The following TRAK1 variants were observed in gnomAD, a reference collection of about 807,000 sequenced individuals.
TRAK1 encodes the protein trafficking kinesin protein 1.
In TRAK1, 33 loss-of-function variants were observed where a neutral mutation model predicts 92.1. That is an observed-to-expected ratio of 0.36 (90% CI 0.27 to 0.48). The LOEUF is 0.48. Among genes scored for constraint, TRAK1 ranks in the 20% least tolerant of loss-of-function variants. The pLI is 0.99. For synonymous variants in TRAK1, 521 were observed against 517.3 expected (o/e 1.01, Z -0.10); for missense variants, 1,123 against 1,257.9 (o/e 0.89, Z 1.62).
chr3:42,178,634 G>A (rs1703542598), intron 3 of TRAK1, among the ~76,000 whole-genome samples: 3 of 151,784 alleles, frequency 2.0e-5, no homozygotes, highest in South Asian at 2.1e-4. Flanking sequence ...TTGTGGAGGC[G>A]GGATCTCCTT....
At chr3:42,218,555 A>T in intron 14 of TRAK1, 1 of 984,712 alleles carries the variant, frequency 1.0e-6, no homozygotes, top group Non-Finnish European at 1.2e-6. Context: ...TGCTTGAGTT[A>T]TGAATGAGGA....
At chr3:42,209,687 T>C in intron 13 of TRAK1, 80 bp from the exon 14 acceptor site, 1 of 1,416,038 alleles carries the variant, frequency 7.1e-7, no homozygotes, top group East Asian at 2.3e-5. Context: ...TTGAGGGTGG[T>C]AAACAGCCAT....
At chr3:42,147,657 T>A (rs1326235813) in intron 2 of TRAK1, among the ~76,000 whole-genome samples, 2 of 152,164 alleles carry the variant, frequency 1.3e-5, no homozygotes, top group African/African-American at 4.8e-5. Flanking sequence ...GTTGGATCCT[T>A]GCAGTCCACA....
intron 2 of TRAK1, chr3:42,145,868 G>A: frequency 3.9e-6 from 1 of 256,088 alleles, no homozygotes; most frequent in Non-Finnish European, 7.6e-6. Context: ...TTCCCAGTAG[G>A]GACAACATTG....
chr3:42,219,488 A>G lies in TRAK1; in HGVS notation c.1964-6A>G. Reference sequence around the variant, plus strand: ...CAAGGAATATGTTTTGTTCCTCCCAATTTAGCGCACCATCCTGGGAAGTGC... The same window carrying G: ...CAAGGAATATGTTTTGTTCCTCCCAGTTTAGCGCACCATCCTGGGAAGTGC... On this transcript the variant is annotated splice_polypyrimidine_tract_variant and splice_region_variant and intron_variant, in intron 14 of 15. Transcript: ENST00000327628. 6.2e-7 allele frequency: 1 copy of G among 1,613,838 alleles called. No homozygotes were observed. Among genetic ancestry groups the G allele is most frequent in the Non-Finnish European group, 8.5e-7 (1 of 1,179,892 alleles).
At position 42,040,251 on chromosome 3, in the gene TRAK1, A is replaced by G. The variant is rs535213243; in HGVS notation, c.-519+26134A>G. 4.6e-5 allele frequency among the ~76,000 whole-genome samples: 7 copies of G among 152,260 alleles called. No homozygotes were observed. The South Asian group carries it at 1.5e-3, about 32-fold the overall frequency. On this transcript the variant is annotated intron_variant, in intron 1 of 16. Transcript: ENST00000487159. ...TTTGGTGTCATATCTAAGAAATATC[A>G]TTGCCTACCTTAAGGTCACCAAGAG...
chr3:42,219,361 C>A, intron 14 of TRAK1, 133 bp from the exon 15 acceptor site: 1 of 1,558,954 alleles, frequency 6.4e-7, no homozygotes. Context: ...ATTTGCGTTT[C>A]ACCTTCCTCG....
intron 1 of TRAK1, among the ~76,000 whole-genome samples, chr3:42,061,141 A>G (rs1005036742): frequency 1.3e-5 from 2 of 152,132 alleles, no homozygotes; most frequent in Non-Finnish European, 2.9e-5. Flanking sequence ...ATTTATAGAA[A>G]AGTTACAAAA....
At chr3:42,205,529 G>A (rs1708233094) in intron 13 of TRAK1, among the ~76,000 whole-genome samples, 1 of 152,204 alleles carries the variant, frequency 6.6e-6, no homozygotes, top group African/African-American at 2.4e-5. Context: ...AGCAGGTGAA[G>A]AACAAACAAA....
chr3:42,138,076 A>G (rs1239998607), intron 2 of TRAK1, among the ~76,000 whole-genome samples: 4 of 152,106 alleles, frequency 2.6e-5, no homozygotes. Flanking sequence ...GGGACCTTTA[A>G]TTTTTGTTTT....
At chr3:42,081,941 T>C (rs1212247431) in intron 1 of TRAK1, among the ~76,000 whole-genome samples, 3 of 152,216 alleles carry the variant, frequency 2.0e-5, no homozygotes. Flanking sequence ...AGCTTAGTTT[T>C]GTCATTTCAA....
At chr3:42,118,245 C>T (rs1298449168) in intron 1 of TRAK1, among the ~76,000 whole-genome samples, 2 of 151,976 alleles carry the variant, frequency 1.3e-5, no homozygotes, top group East Asian at 1.9e-4. Context: ...CCATCACGCC[C>T]ATCTAATTTT....
intron 2 of TRAK1, chr3:42,149,479 T>C: frequency 6.5e-7 from 1 of 1,535,786 alleles, no homozygotes; most frequent in East Asian, 2.4e-5. Context: ...TGGCAGCGTT[T>C]TACTTGACGT....
At chr3:42,206,358 G>GCCTCT in intron 13 of TRAK1, among the ~76,000 whole-genome samples, 1 of 152,262 alleles carries the variant, frequency 6.6e-6, no homozygotes, top group East Asian at 1.9e-4. Flanking sequence ...GTTTGAGAAA[G>GCCTCT]CACCCACATG....
chr3:42,062,368 C>T (rs2148927092), intron 1 of TRAK1, among the ~76,000 whole-genome samples: 1 of 151,984 alleles, frequency 6.6e-6, no homozygotes, highest in South Asian at 2.1e-4. Flanking sequence ...CTACTAGGGC[C>T]AATTTCAAAA....
chr3:42,219,786 G>GTTTTTTTTTTTTTTTTTTTTTTT (rs397989334), intron 15 of TRAK1, among the ~76,000 whole-genome samples, 190 bp downstream of exon 15: 2 of 63,498 alleles, frequency 3.1e-5, no homozygotes, highest in African/African-American at 8.7e-5. Context: ...GTTGTTATGT[G>GTTTTTTTTTTTTTTTTTTTTTTT]TTTTTTTTTT....
intron 1 of TRAK1, among the ~76,000 whole-genome samples, chr3:42,105,666 GAACGGCACA>G (rs1268865016): frequency 6.6e-6 from 1 of 152,124 alleles, no homozygotes; most frequent in East Asian, 1.9e-4. Context: ...GAAATACAGA[GAACGGCACA>G]AAGATACTCC....
chr3:42,150,922 G>A (rs1163240774), intron 2 of TRAK1, among the ~76,000 whole-genome samples: 1 of 152,170 alleles, frequency 6.6e-6, no homozygotes, highest in Non-Finnish European at 1.5e-5. Context: ...CATTCTAAAA[G>A]CAAGTTCCCA....
chr3:42,092,249 G>A (rs1705169393), intron 1 of TRAK1, among the ~76,000 whole-genome samples: 1 of 152,122 alleles, frequency 6.6e-6, no homozygotes, highest in African/African-American at 2.4e-5. Flanking sequence ...AGAGTCCAGT[G>A]GTTGATGACC....
Sources: allele counts gnomAD v4.1 joint callset (sites outside exome capture counted in the v4.1 genomes callset), GRCh38; gene constraint gnomAD v4.1.1; transcripts MANE v1.5; gene names NCBI Gene and HGNC (gene_info 2026-07-23, HGNC 2026-07-21).